Variants in MTERF3 observed in about 807,000 individuals in gnomAD.
MTERF3 encodes the protein transcription termination factor 3, mitochondrial.
Under a neutral mutation model 40.5 loss-of-function variants are expected in MTERF3, and 40 were observed. That is an observed-to-expected ratio of 0.99 (90% confidence interval 0.77 to 1.29). MTERF3 has a LOEUF of 1.29. Ranked by LOEUF, MTERF3 falls within the 50% of genes most tolerant of loss-of-function variation. The pLI, the probability that MTERF3 is intolerant of heterozygous loss-of-function variation, is 0.00. For missense variants in MTERF3, 452 were observed against 478.2 expected, an observed-to-expected ratio of 0.95 and a Z score of 0.51; for synonymous variants, 158 against 166.6, an observed-to-expected ratio of 0.95 and a Z score of 0.40.
intron 1 of MTERF3, 90 bp from the exon 2 acceptor site, chr8:96,258,790 G>T: frequency 2.0e-6 from 2 of 993,410 alleles, no homozygotes; most frequent in Non-Finnish European, 2.9e-6. Context: ...AAGATAAACT[G>T]GAAATTATTT....
chr8:96,242,604 T>G (rs1201015926), intron 7 of MTERF3, among the ~76,000 whole-genome samples: 1 of 152,218 alleles, frequency 6.6e-6, no homozygotes, highest in Non-Finnish European at 1.5e-5. Flanking sequence ...CTCATATGGT[T>G]GTTGTGAGAA....
chr8:96,257,091 A>G lies in MTERF3; in HGVS notation c.358T>C (p.Ser120Pro), dbSNP rs1448888380. The G allele has an allele frequency of 1.9e-6, 3 of 1,612,456 alleles. No individual in the cohort carries two copies. The highest frequency in any genetic ancestry group is 2.5e-6 in the Non-Finnish European group (3 of 1,179,458). ...LEELDELPPL[S>P]PMQPISEEEA... ...TCCTCTGAAATTGGCTGCATTGGAG[A>G]CAATGGAGGCAATTCATCCAGTTCT... The change falls in exon 3 of 8, where the codon TCT becomes CCT. Residue 120 changes from serine (S) to proline (P), a missense_variant. Physicochemically the swap from Ser to Pro is moderately conservative, Grantham distance 74. Coordinates refer to ENST00000287025, the MANE Select transcript of MTERF3 (RefSeq NM_015942.5).
At chr8:96,250,543 TCTCCTAAAAATACAAAAATTAGCCAGG>T (rs1435559182) in intron 4 of MTERF3, among the ~76,000 whole-genome samples, 1 of 142,980 alleles carries the variant, frequency 7.0e-6, no homozygotes, top group Non-Finnish European at 1.5e-5. Flanking sequence ...AAACCCCATC[TCTCCTAAAAATACAAAAATTAGCCAGG>T]CATGGTGGCC....
In MTERF3 at chr8:96,250,792, A is replaced by T. The variant is rs112106030; in HGVS notation, c.677+114T>A. 335 of 1,007,122 alleles carry T rather than the reference A, an allele frequency of 3.3e-4. 1 individual carries two copies. In the African/African-American group the frequency reaches 5.1e-3, roughly 15 times the overall value. The allele number at this position is 1,007,122 out of a possible 1,614,324, so 62.4% of individuals were successfully genotyped here. Reference sequence around the variant, plus strand: ...TCAAAGAAGGTCTATAACAAAAAAAATTCATGTTATCTCAGTAGACCCTTG... The same window carrying T: ...TCAAAGAAGGTCTATAACAAAAAAATTTCATGTTATCTCAGTAGACCCTTG... On this transcript the variant is annotated intron_variant, in intron 4 of 7. Coordinates refer to ENST00000287025, the MANE Select transcript of MTERF3 (RefSeq NM_015942.5).
At chr8:96,259,344 GT>G (rs1356765141) in intron 1 of MTERF3, among the ~76,000 whole-genome samples, 1 of 152,128 alleles carries the variant, frequency 6.6e-6, no homozygotes, top group East Asian at 1.9e-4. Flanking sequence ...AACAAAACCA[GT>G]TTTGTCAAGT....
chr8:96,248,692 T>TA (rs920050546), intron 4 of MTERF3, among the ~76,000 whole-genome samples: 5 of 152,004 alleles, frequency 3.3e-5, no homozygotes, highest in South Asian at 2.1e-4. Flanking sequence ...ATTTTTCCAA[T>TA]AAAAAATCAA....
At chr8:96,248,480 A>G (rs1262028699) in intron 4 of MTERF3, among the ~76,000 whole-genome samples, 12 of 152,232 alleles carry the variant, frequency 7.9e-5, no homozygotes, top group Admixed American at 7.9e-4. Flanking sequence ...ATTGTTATGT[A>G]TTTGTATTCA....
chr8:96,257,852 A>G (rs1036686071), intron 2 of MTERF3, among the ~76,000 whole-genome samples: 3 of 152,100 alleles, frequency 2.0e-5, no homozygotes, highest in Admixed American at 6.5e-5. Flanking sequence ...ACTTAACCTT[A>G]TATCATTTCA....
Position 96,250,906 on chromosome 8 carries a change from C to T in MTERF3, c.677G>A (p.Arg226Lys). ...FSEDLENLKT[R>K]VAYLHSKNFS... Reference sequence around the variant, plus strand: ...ATGAGAATCCTTTTAAAAGTCCTACCTGGTCTTCAGATTTTCAAGGTCTTC... The same window carrying T: ...ATGAGAATCCTTTTAAAAGTCCTACTTGGTCTTCAGATTTTCAAGGTCTTC... The change falls in exon 4 of 8, where the codon AGG becomes AAG. Residue 226 changes from arginine to lysine, a missense_variant and splice_region_variant. By Grantham distance (26) the Arg-to-Lys change is conservative. Transcript: ENST00000287025. 6.2e-7 allele frequency: 1 copy of T among 1,601,734 alleles called. No homozygotes were observed.
chr8:96,246,390 G>A lies in MTERF3; in HGVS notation c.742C>T (p.Pro248Ser), dbSNP rs1219771044. The change falls in exon 5 of 8, where the codon CCA (proline) becomes TCA (serine). Residue 248 changes from proline (P) to serine (S), a missense_variant. By Grantham distance (74) the Pro-to-Ser change is moderately conservative. Transcript: ENST00000287025. ...ADVAQMVRKA[P>S]FLLNFSVERL... ...TCCACTGAAAAGTTCAGCAAAAATG[G>A]TGCTTTTCTGACCATCTGTGCAACA... The A allele has an allele frequency of 6.2e-7, 1 of 1,612,650 alleles. No homozygotes were observed. The highest frequency in any genetic ancestry group is 8.5e-7 in the Non-Finnish European group (1 of 1,179,612).
chr8:96,243,520 G>A (rs1011793042), intron 7 of MTERF3, among the ~76,000 whole-genome samples: 4 of 152,226 alleles, frequency 2.6e-5, no homozygotes, highest in East Asian at 1.9e-4. Flanking sequence ...ATATAATTAC[G>A]GCTTTGGCAT....
At chr8:96,260,780 T>C (rs1400552678) in intron 1 of MTERF3, among the ~76,000 whole-genome samples, 3 of 152,242 alleles carry the variant, frequency 2.0e-5, no homozygotes, top group Admixed American at 6.5e-5. Context: ...ATCTTAACAA[T>C]TGATTAACTG....
chr8:96,245,745 ATAACT>A, intron 6 of MTERF3, 110 bp downstream of exon 6: 1 of 832,744 alleles, frequency 1.2e-6, no homozygotes, highest in Non-Finnish European at 1.9e-6. Flanking sequence ...CTTTTTAGAA[ATAACT>A]TATTTTAAAG....
chr8:96,239,724 C>G, intron 7 of MTERF3, 39 bp from the exon 8 acceptor site: 1 of 1,488,066 alleles, frequency 6.7e-7, no homozygotes, highest in Non-Finnish European at 9.1e-7. Flanking sequence ...ACACTGCACA[C>G]GGGAGGATGA....
Position 96,261,550 on chromosome 8 carries a change from T to A in MTERF3, c.-60A>T, listed in dbSNP as rs371446620. On this transcript the variant is annotated 5_prime_UTR_variant, in exon 1 of 8. Coordinates refer to ENST00000287025, the MANE Select transcript of MTERF3 (RefSeq NM_015942.5). Reference sequence around the variant, plus strand: ...GCGGGTGACCCCGGGACCGACCAACTCGCTGGGCCGCACGTCCCGTCCCGC... The same window carrying A: ...GCGGGTGACCCCGGGACCGACCAACACGCTGGGCCGCACGTCCCGTCCCGC... 6.5e-6 allele frequency: 1 copy of A among 154,302 alleles called. No individual in the cohort carries two copies. The highest frequency in any genetic ancestry group is 1.9e-4 in the South Asian group (1 of 5,298). The allele number at this position is 154,302 out of a possible 1,614,324, so 9.6% of individuals were successfully genotyped here.
At chr8:96,259,318 C>T (rs1225416838) in intron 1 of MTERF3, among the ~76,000 whole-genome samples, 5 of 152,166 alleles carry the variant, frequency 3.3e-5, no homozygotes, top group Non-Finnish European at 7.4e-5. Flanking sequence ...TAAAGCTGTT[C>T]TTCCAAAGGG....
chr8:96,255,857 G>C (rs1034611196), intron 3 of MTERF3, among the ~76,000 whole-genome samples: 1 of 152,148 alleles, frequency 6.6e-6, no homozygotes, highest in African/African-American at 2.4e-5. Context: ...TCGGAGAGGA[G>C]AAAGACGACA....
intron 7 of MTERF3, among the ~76,000 whole-genome samples, chr8:96,243,533 T>A (rs1021892427): frequency 3.3e-5 from 5 of 152,240 alleles, no homozygotes; most frequent in African/African-American, 1.2e-4. Flanking sequence ...TTTGGCATGA[T>A]GGCAAACTGG....
rs749856275 is a variant in MTERF3, at chr8:96,258,599, G to C, written c.92C>G (p.Thr31Ser). The change falls in exon 2 of 8, where the codon ACT becomes AGT. Residue 31 changes from threonine (T) to serine (S), a missense_variant. Thr to Ser is a moderately conservative substitution (Grantham distance 58). Coordinates refer to ENST00000287025, the MANE Select transcript of MTERF3 (RefSeq NM_015942.5). The part of the protein sequence containing the change: ...INAAQLTKRF[T>S]RPARTLLHGF... ...ATGTAACAGTGTTCTTGCTGGTCTA[G>C]TAAAACGTTTTGTGAGTTGTGCAGC... The C allele has an allele frequency of 6.2e-7, 1 of 1,614,136 alleles. No individual in the cohort carries two copies. Among genetic ancestry groups the C allele is most frequent in the Admixed American group, 1.7e-5 (1 of 60,026 alleles).
Sources: gnomAD v4.1 joint callset for allele counts (sites outside exome capture counted in the v4.1 genomes callset) on GRCh38, gnomAD v4.1.1 for gene constraint, MANE v1.5 for transcripts, NCBI Gene and HGNC (gene_info 2026-07-23, HGNC 2026-07-21) for gene names.